POU2AF2: variants seen among roughly 807,000 people sequenced by gnomAD.
POU2AF2 encodes the protein POU class 2 homeobox associating factor 2.
At chr11:111,269,726 G>A in the POU2AF2 span, among the ~76,000 whole-genome samples, 380 of 152,166 alleles carry the variant, frequency 2.5e-3, 1 homozygote, top group Non-Finnish European at 4.3e-3. Context: ...GCATTCCAAA[G>A]GCATGCCAAG....
chr11:111,285,509 G>A, the POU2AF2 span: 4 of 754,054 alleles, frequency 5.3e-6, no homozygotes, highest in Non-Finnish European at 8.1e-6. Context: ...TCAAAAGCCG[G>A]AGAGAAGAGC....
chr11:111,280,057 A>ATATATATATATATATATATAT, the POU2AF2 span, among the ~76,000 whole-genome samples: 19 of 76,446 alleles, frequency 2.5e-4, no homozygotes, highest in Admixed American at 1.1e-3. Flanking sequence ...AAAAAAAAAA[A>ATATATATATATATATATATAT]ATATATATAT....
At chr11:111,260,379 GA>G in the POU2AF2 span, among the ~76,000 whole-genome samples, 1 of 152,160 alleles carries the variant, frequency 6.6e-6, no homozygotes, top group South Asian at 2.1e-4. Context: ...AAATCCCTGG[GA>G]CCGGTGAGTT....
At chr11:111,278,993 T>C in the POU2AF2 span, among the ~76,000 whole-genome samples, 1 of 152,180 alleles carries the variant, frequency 6.6e-6, no homozygotes, top group Non-Finnish European at 1.5e-5. Flanking sequence ...TTCTTCCAAC[T>C]CTTGAGAGTC....
At chr11:111,256,223 A>G in the POU2AF2 span, 1 of 396,434 alleles carries the variant, frequency 2.5e-6, no homozygotes, top group South Asian at 1.4e-4. Flanking sequence ...GGCACGCAGT[A>G]TAGAATTATT....
chr11:111,284,481 C>A, the POU2AF2 span: 1 of 1,333,678 alleles, frequency 7.5e-7, no homozygotes, highest in East Asian at 2.5e-5. Context: ...GTCTGGCTCA[C>A]CCTGTAGACT....
the POU2AF2 span, among the ~76,000 whole-genome samples, chr11:111,257,815 G>T: frequency 1.3e-5 from 2 of 152,178 alleles, no homozygotes; most frequent in African/African-American, 2.4e-5. Flanking sequence ...CACCTGGGGT[G>T]TGTGATAAAA....
chr11:111,274,354 T>C, the POU2AF2 span, among the ~76,000 whole-genome samples: 8 of 152,118 alleles, frequency 5.3e-5, no homozygotes, highest in Non-Finnish European at 1.2e-4. Context: ...TAATTATATA[T>C]ATAAACTGAC....
At chr11:111,278,114 A>G in the POU2AF2 span, among the ~76,000 whole-genome samples, 3 of 152,224 alleles carry the variant, frequency 2.0e-5, no homozygotes, top group African/African-American at 7.2e-5. Context: ...TATACCACAG[A>G]TTTGAAGGAA....
the POU2AF2 span, among the ~76,000 whole-genome samples, chr11:111,256,363 G>C: frequency 1.3e-5 from 2 of 152,200 alleles, no homozygotes; most frequent in African/African-American, 4.8e-5. Flanking sequence ...GAGTTTTCAT[G>C]CCCTTTTTGA....
chr11:111,256,753 A>G, the POU2AF2 span, among the ~76,000 whole-genome samples: 1 of 152,222 alleles, frequency 6.6e-6, no homozygotes, highest in African/African-American at 2.4e-5. Flanking sequence ...TGGCAATTAA[A>G]AGATGGTGTG....
chr11:111,257,223 G>C, the POU2AF2 span, among the ~76,000 whole-genome samples: 18 of 152,286 alleles, frequency 1.2e-4, no homozygotes, highest in African/African-American at 3.8e-4. Flanking sequence ...AGCAGGTACT[G>C]GTTCTTCCAG....
chr11:111,261,353 A>T, the POU2AF2 span, among the ~76,000 whole-genome samples: 277 of 152,282 alleles, frequency 1.8e-3, no homozygotes, highest in Non-Finnish European at 3.5e-3. Flanking sequence ...GTTCTATAAA[A>T]GCTAAACATC....
chr11:111,257,165 A>C, the POU2AF2 span, among the ~76,000 whole-genome samples: 1 of 152,356 alleles, frequency 6.6e-6, no homozygotes, highest in East Asian at 1.9e-4. Flanking sequence ...GATGAACAGA[A>C]ATAAATGAGA....
chr11:111,258,735 G>A, the POU2AF2 span, among the ~76,000 whole-genome samples: 1 of 152,146 alleles, frequency 6.6e-6, no homozygotes, highest in African/African-American at 2.4e-5. Flanking sequence ...CTATTATTGG[G>A]TTGGAGCCAA....
chr11:111,265,415 G>A, the POU2AF2 span, among the ~76,000 whole-genome samples: 3 of 152,110 alleles, frequency 2.0e-5, no homozygotes, highest in African/African-American at 4.8e-5. Flanking sequence ...AAGAATAATA[G>A]TGTGGTAAAG....
chr11:111,284,604 C>T, the POU2AF2 span, among the ~76,000 whole-genome samples: 9 of 152,320 alleles, frequency 5.9e-5, no homozygotes, highest in Non-Finnish European at 1.2e-4. Flanking sequence ...GGCTTGGAAC[C>T]GGGAGGAATG....
At chr11:111,274,982 G>A in the POU2AF2 span, among the ~76,000 whole-genome samples, 17 of 152,256 alleles carry the variant, frequency 1.1e-4, no homozygotes, top group Non-Finnish European at 1.5e-4. Flanking sequence ...TGGGATGGTC[G>A]TGAGAATTAA....
the POU2AF2 span, chr11:111,281,345 T>C: frequency 6.8e-7 from 1 of 1,477,622 alleles, no homozygotes. Context: ...CTAATTTTTA[T>C]TAAATTCAAA....
Sources: allele counts gnomAD v4.1 joint callset (sites outside exome capture counted in the v4.1 genomes callset), GRCh38; gene constraint gnomAD v4.1.1; transcripts MANE v1.5; gene names NCBI Gene and HGNC (gene_info 2026-07-23, HGNC 2026-07-21).